ERBB4: variants seen among roughly 807,000 people sequenced by gnomAD.
The protein encoded by ERBB4 is receptor tyrosine-protein kinase erbB-4.
A neutral mutation model predicts 158.0 loss-of-function variants in ERBB4; 42 were observed. The observed-to-expected ratio is 0.27, with a 90% CI of 0.21 to 0.34. The LOEUF is 0.34. ERBB4 is among the 10% of genes least tolerant of loss of function. The probability of loss-of-function intolerance (pLI) is 1.00; values close to 1 mark genes in which losing one functional copy is unlikely to be tolerated. For missense variants in ERBB4, 1,333 were observed against 1,624.1 expected, an observed-to-expected ratio of 0.82 and a Z score of 3.08; for synonymous variants, 583 against 558.7, an observed-to-expected ratio of 1.04 and a Z score of -0.61.
chr2:212,425,572 C>A (rs1242127475), intron 1 of ERBB4, among the ~76,000 whole-genome samples: 1 of 151,514 alleles, frequency 6.6e-6, no homozygotes, highest in South Asian at 2.1e-4. Context: ...AACATAATTG[C>A]AATTTGGTCA....
intron 20 of ERBB4, among the ~76,000 whole-genome samples, chr2:211,442,315 C>A (rs1409092300): frequency 6.6e-6 from 1 of 152,032 alleles, no homozygotes; most frequent in Non-Finnish European, 1.5e-5. Context: ...CAAGATCTTC[C>A]CCAACTCCTA....
intron 3 of ERBB4, among the ~76,000 whole-genome samples, chr2:211,893,275 T>C (rs2079015446): frequency 6.9e-6 from 1 of 144,368 alleles, no homozygotes; most frequent in South Asian, 2.1e-4. Flanking sequence ...AACTATCTGA[T>C]CTTTGACAAA....
intron 4 of ERBB4, among the ~76,000 whole-genome samples, chr2:211,770,958 T>C (rs779366665): frequency 2.0e-5 from 3 of 152,228 alleles, no homozygotes; most frequent in Non-Finnish European, 4.4e-5. Flanking sequence ...TATTTGGTAG[T>C]TGGCTCATTT....
chr2:212,106,191 G>T (rs1459194312), intron 2 of ERBB4, among the ~76,000 whole-genome samples: 1 of 152,156 alleles, frequency 6.6e-6, no homozygotes, highest in African/African-American at 2.4e-5. Context: ...ACAGAAAAAT[G>T]TGGCAAAGTC....
chr2:211,659,301 G>A (rs1176213699), intron 15 of ERBB4, among the ~76,000 whole-genome samples: 6 of 151,880 alleles, frequency 4.0e-5, no homozygotes, highest in African/African-American at 1.5e-4. Flanking sequence ...GAATACACCT[G>A]TATGAAAAGT....
chr2:211,864,003 A>T (rs533490925), intron 3 of ERBB4, among the ~76,000 whole-genome samples: 1 of 152,254 alleles, frequency 6.6e-6, no homozygotes, highest in African/African-American at 2.4e-5. Flanking sequence ...TTGAGAGAGA[A>T]GCCAGAAGGT....
At chr2:211,477,887 C>CT (rs2064995430) in intron 20 of ERBB4, among the ~76,000 whole-genome samples, 1 of 152,122 alleles carries the variant, frequency 6.6e-6, no homozygotes, top group African/African-American at 2.4e-5. Context: ...AACTAGGTAA[C>CT]TTTTTGCATA....
At chr2:211,546,921 G>A (rs968736956) in intron 20 of ERBB4, among the ~76,000 whole-genome samples, 2 of 152,180 alleles carry the variant, frequency 1.3e-5, no homozygotes, top group East Asian at 3.9e-4. Context: ...AGTGCATTTA[G>A]AAACAAATAA....
chr2:211,418,885 T>TATCTA (rs1387342389), intron 25 of ERBB4, among the ~76,000 whole-genome samples: 1 of 152,128 alleles, frequency 6.6e-6, no homozygotes, highest in Non-Finnish European at 1.5e-5. Flanking sequence ...AACTTTTAGT[T>TATCTA]ATCTATTCCC....
At chr2:212,016,256 A>T (rs555851244) in intron 2 of ERBB4, among the ~76,000 whole-genome samples, 6 of 152,228 alleles carry the variant, frequency 3.9e-5, no homozygotes, top group African/African-American at 9.6e-5. Flanking sequence ...GGTTCAGCAT[A>T]GGAAAAGCTC....
intron 4 of ERBB4, among the ~76,000 whole-genome samples, chr2:211,772,953 A>ATT (rs1279482810): frequency 0.022 from 1,701 of 77,064 alleles, 177 homozygotes; most frequent in South Asian, 0.031. Context: ...ATATATATAT[A>ATT]TATTTTTTTT....
intron 1 of ERBB4, among the ~76,000 whole-genome samples, chr2:212,481,178 T>G (rs1689677950): frequency 6.6e-6 from 1 of 151,940 alleles, no homozygotes; most frequent in South Asian, 2.1e-4. Flanking sequence ...ATACAACAAA[T>G]TATATCATAT....
In ERBB4 at chr2:211,413,309, A is replaced by AACACACACACAC. The variant is rs36108369; in HGVS notation, c.3135+7120_3135+7131dup. On this transcript the variant is annotated intron_variant, in intron 25 of 27. Transcript: ENST00000342788. ...GGACAGAGAGAGACCCTGTCTTAAA[A>AACACACACACAC]ACACACACACACACACACACACACA... Among the ~76,000 whole-genome samples the AACACACACACAC allele has an allele frequency of 9.2e-3, 873 of 94,542 alleles. 39 individuals carry two copies. Among genetic ancestry groups the AACACACACACAC allele is most frequent in the African/African-American group, 0.032 (839 of 26,020 alleles). The allele number at this position is 94,542 out of a possible 152,430, so 62.0% of individuals were successfully genotyped here.
chr2:211,524,787 C>G (rs1242122799), intron 20 of ERBB4, among the ~76,000 whole-genome samples: 1 of 152,170 alleles, frequency 6.6e-6, no homozygotes, highest in Admixed American at 6.5e-5. Context: ...GCTGAGGGAG[C>G]CGGCTCTGGC....
chr2:211,444,118 A>G (rs551598130), intron 20 of ERBB4, among the ~76,000 whole-genome samples: 1 of 140,966 alleles, frequency 7.1e-6, no homozygotes, highest in African/African-American at 2.7e-5. Flanking sequence ...TTTTTTTTGT[A>G]TACTTTCATT....
chr2:211,600,363 T>C (rs1343025527), intron 19 of ERBB4, among the ~76,000 whole-genome samples: 1 of 151,290 alleles, frequency 6.6e-6, no homozygotes, highest in Non-Finnish European at 1.5e-5. Flanking sequence ...AGTGAAAAAA[T>C]GACAACAGAT....
intron 2 of ERBB4, among the ~76,000 whole-genome samples, chr2:212,022,699 A>G (rs890164013): frequency 6.6e-6 from 1 of 152,140 alleles, no homozygotes; most frequent in African/African-American, 2.4e-5. Flanking sequence ...AATAAAAAAC[A>G]TAAAAAACTA....
intron 1 of ERBB4, among the ~76,000 whole-genome samples, chr2:212,246,192 T>C (rs1471972151): frequency 6.6e-6 from 1 of 152,206 alleles, no homozygotes; most frequent in Admixed American, 6.5e-5. Flanking sequence ...AATGCAACAG[T>C]CAAATAAATT....
At chr2:211,945,114 C>A (rs150052243) in intron 3 of ERBB4, among the ~76,000 whole-genome samples, 3 of 152,142 alleles carry the variant, frequency 2.0e-5, no homozygotes, top group Non-Finnish European at 4.4e-5. Flanking sequence ...AACTTAATTA[C>A]GGCACTTATT....
Sources: allele counts gnomAD v4.1 joint callset (sites outside exome capture counted in the v4.1 genomes callset), GRCh38; gene constraint gnomAD v4.1.1; transcripts MANE v1.5; gene names NCBI Gene and HGNC (gene_info 2026-07-23, HGNC 2026-07-21).